The following KCNIP4 variants were observed in gnomAD, a reference collection of about 807,000 sequenced individuals.
KCNIP4 encodes the protein Kv channel-interacting protein 4.
Under a neutral mutation model 34.0 loss-of-function variants are expected in KCNIP4, and 12 were observed. The observed-to-expected ratio is 0.35, with a 90% CI of 0.23 to 0.57. The LOEUF (loss-of-function observed/expected upper bound fraction) is 0.57. KCNIP4 is among the 20% of genes least tolerant of loss of function. KCNIP4 has a pLI of 0.83. For synonymous variants in KCNIP4, 124 were observed against 102.2 expected (o/e 1.21, Z -1.29); for missense variants, 238 against 311.7 (o/e 0.76, Z 1.78).
intron 1 of KCNIP4, among the ~76,000 whole-genome samples, chr4:21,648,872 C>T (rs1258992410): frequency 6.6e-6 from 1 of 152,112 alleles, no homozygotes; most frequent in Non-Finnish European, 1.5e-5. Flanking sequence ...CTGATTATGA[C>T]ATGATTTTAA....
At chr4:20,818,834 T>A (rs1716749181) in intron 3 of KCNIP4, among the ~76,000 whole-genome samples, 1 of 151,922 alleles carries the variant, frequency 6.6e-6, no homozygotes, top group Non-Finnish European at 1.5e-5. Flanking sequence ...TATTAAGTAT[T>A]CCAGAATAAT....
chr4:21,403,895 C>T (rs567337652), intron 1 of KCNIP4, among the ~76,000 whole-genome samples: 1 of 152,286 alleles, frequency 6.6e-6, no homozygotes, highest in Non-Finnish European at 1.5e-5. Context: ...TATACGAGCA[C>T]TAATCCCATC....
chr4:21,106,187 G>A (rs558387124), intron 1 of KCNIP4, among the ~76,000 whole-genome samples: 5 of 150,794 alleles, frequency 3.3e-5, no homozygotes, highest in African/African-American at 5.0e-5. Context: ...GTTCCTCCTT[G>A]TGCCTCTGGT....
intron 1 of KCNIP4, among the ~76,000 whole-genome samples, chr4:20,965,518 T>A (rs1450552147): frequency 1.3e-5 from 2 of 152,162 alleles, no homozygotes; most frequent in African/African-American, 4.8e-5. Flanking sequence ...AAGAAACTGG[T>A]CAACTTTCCT....
chr4:20,946,228 G>T (rs753480405), intron 1 of KCNIP4, among the ~76,000 whole-genome samples: 1 of 152,144 alleles, frequency 6.6e-6, no homozygotes, highest in Non-Finnish European at 1.5e-5. Flanking sequence ...CCTAGCTACT[G>T]CACAGGTTCT....
intron 1 of KCNIP4, among the ~76,000 whole-genome samples, chr4:21,252,489 G>A (rs973505020): frequency 5.3e-5 from 8 of 151,918 alleles, no homozygotes; most frequent in South Asian, 4.1e-4. Flanking sequence ...ACCCATTATC[G>A]TGACAATGAA....
At chr4:21,172,778 C>A (rs1261965764) in intron 1 of KCNIP4, among the ~76,000 whole-genome samples, 1 of 152,182 alleles carries the variant, frequency 6.6e-6, no homozygotes, top group African/African-American at 2.4e-5. Flanking sequence ...TGACTTTGAA[C>A]CATAGGTGTG....
intron 1 of KCNIP4, chr4:21,847,488 T>C (rs1018947733): frequency 3.9e-5 from 6 of 152,194 alleles, no homozygotes; most frequent in Non-Finnish European, 7.4e-5. Flanking sequence ...ACTAAGTTTC[T>C]ATATTTCTGA....
At chr4:20,924,561 A>G (rs1352633402) in intron 1 of KCNIP4, among the ~76,000 whole-genome samples, 1 of 152,168 alleles carries the variant, frequency 6.6e-6, no homozygotes, top group Admixed American at 6.5e-5. Context: ...CCCGGAACAT[A>G]GTCAAAAATA....
At chr4:21,755,704 GA>G (rs1024413318) in intron 1 of KCNIP4, among the ~76,000 whole-genome samples, 4 of 151,782 alleles carry the variant, frequency 2.6e-5, no homozygotes, top group African/African-American at 7.3e-5. Context: ...ATATCTGGAA[GA>G]AAAAAAACCT....
intron 1 of KCNIP4, among the ~76,000 whole-genome samples, chr4:21,540,705 A>T (rs1737606204): frequency 6.6e-6 from 1 of 152,170 alleles, no homozygotes; most frequent in African/African-American, 2.4e-5. Context: ...TTATTTACCA[A>T]ACGTTTTTGA....
chr4:21,465,990 G>A (rs1321813426), intron 1 of KCNIP4, among the ~76,000 whole-genome samples: 2 of 152,116 alleles, frequency 1.3e-5, no homozygotes, highest in African/African-American at 2.4e-5. Context: ...TAGTCCTCTA[G>A]TTGTCAGCTG....
At chr4:21,481,268 T>A (rs1339157504) in intron 1 of KCNIP4, among the ~76,000 whole-genome samples, 1 of 152,002 alleles carries the variant, frequency 6.6e-6, no homozygotes, top group Non-Finnish European at 1.5e-5. Flanking sequence ...TAGAACACAA[T>A]AAGGTCTATT....
Position 20,732,795 on chromosome 4 carries a change from A to G in KCNIP4, c.538-10T>C. 1 of 1,527,034 alleles carries G rather than the reference A, an allele frequency of 6.5e-7. No individual in the cohort carries two copies. The highest frequency in any genetic ancestry group is 9.1e-7 in the Non-Finnish European group (1 of 1,102,044). The allele number at this position is 1,527,034 out of a possible 1,614,324, so 94.6% of individuals were successfully genotyped here. A position where few individuals can be genotyped will look rare whatever the true frequency, so the allele number is the denominator to read the frequency against. On this transcript the variant is annotated splice_polypyrimidine_tract_variant and intron_variant, in intron 6 of 8. Transcript: ENST00000382152. ...TTATATCAAGCATTTCCTGAAAAAT[A>G]AAAGGCACTCACGTGAGGCTGCACA...
rs145117515 is a variant in KCNIP4, at chr4:20,892,008, C to T, written c.62-9299G>A. On this transcript the variant is annotated intron_variant, in intron 1 of 8. Coordinates refer to ENST00000382152, the MANE Select transcript of KCNIP4 (RefSeq NM_025221.6). ...GTTCATATGCTGGTAATAATTCTTG[C>T]AGAAAATTGCTGCCCAACCATGCAG... Among the ~76,000 whole-genome samples, 30 of 152,244 alleles carry T rather than the reference C, an allele frequency of 2.0e-4. 1 individual carries two copies. The highest frequency in any genetic ancestry group is 2.0e-3 in the Admixed American group (30 of 15,296).
chr4:21,451,704 A>G (rs867530802), intron 1 of KCNIP4, among the ~76,000 whole-genome samples: 1 of 152,136 alleles, frequency 6.6e-6, no homozygotes, highest in Non-Finnish European at 1.5e-5. Flanking sequence ...AAGCTTTACC[A>G]AACACGTCAG....
intron 1 of KCNIP4, among the ~76,000 whole-genome samples, chr4:21,771,835 G>A (rs962164722): frequency 2.6e-5 from 4 of 152,180 alleles, no homozygotes; most frequent in African/African-American, 4.8e-5. Context: ...GGGCTGAGAT[G>A]ATGGGGTTTT....
At chr4:21,230,935 C>T (rs1275334394) in intron 1 of KCNIP4, among the ~76,000 whole-genome samples, 1 of 152,140 alleles carries the variant, frequency 6.6e-6, no homozygotes, top group African/African-American at 2.4e-5. Flanking sequence ...TGAGGAATCG[C>T]CACATTGTCT....
At chr4:21,358,224 C>G (rs80100267) in intron 1 of KCNIP4, among the ~76,000 whole-genome samples, 3 of 151,884 alleles carry the variant, frequency 2.0e-5, no homozygotes, top group Non-Finnish European at 2.9e-5. Flanking sequence ...ATGTAAATGA[C>G]GAGTTGATGT....
Sources: allele counts gnomAD v4.1 joint callset (sites outside exome capture counted in the v4.1 genomes callset), GRCh38; gene constraint gnomAD v4.1.1; transcripts MANE v1.5; gene names NCBI Gene and HGNC (gene_info 2026-07-23, HGNC 2026-07-21).